Variants in EXOC4 observed in about 807,000 individuals in gnomAD.
EXOC4 encodes exocyst complex component 4.
A neutral mutation model predicts 107.2 loss-of-function variants in EXOC4; 71 were observed. The ratio of observed to expected loss-of-function variants is 0.66; its 90% CI spans 0.55 to 0.81. EXOC4 has a LOEUF of 0.81. Ranked by LOEUF, EXOC4 falls within the 30% of genes least tolerant of loss-of-function variation. EXOC4 has a pLI of 0.00. For missense variants in EXOC4, 1,108 were observed against 1,189.6 expected (o/e 0.93, Z 1.01); for synonymous variants, 456 against 441.2 (o/e 1.03, Z -0.42).
intron 10 of EXOC4, among the ~76,000 whole-genome samples, chr7:133,759,144 A>ATTTTTTTT (rs34768347): frequency 3.6e-5 from 5 of 140,630 alleles, no homozygotes; most frequent in Non-Finnish European, 6.2e-5. Context: ...CAACAAAAGA[A>ATTTTTTTT]TTTTTTTTTT....
chr7:134,044,836 C>T (rs1795609621), intron 17 of EXOC4, among the ~76,000 whole-genome samples: 1 of 152,234 alleles, frequency 6.6e-6, no homozygotes, highest in African/African-American at 2.4e-5. Flanking sequence ...CAGTGAGTCT[C>T]TTGATGAGTC....
intron 10 of EXOC4, among the ~76,000 whole-genome samples, chr7:133,800,518 A>G (rs1471726061): frequency 6.6e-6 from 1 of 152,202 alleles, no homozygotes; most frequent in Non-Finnish European, 1.5e-5. Flanking sequence ...TTTTAATAAC[A>G]TTCCTTTTTT....
At chr7:133,266,528 A>G (rs1756092123) in intron 1 of EXOC4, among the ~76,000 whole-genome samples, 1 of 152,184 alleles carries the variant, frequency 6.6e-6, no homozygotes, top group Admixed American at 6.5e-5. Flanking sequence ...ATTTTTCACA[A>G]TTGTTTGTCA....
chr7:133,556,091 T>C (rs370033067), intron 9 of EXOC4, among the ~76,000 whole-genome samples: 1 of 152,210 alleles, frequency 6.6e-6, no homozygotes, highest in Admixed American at 6.5e-5. Context: ...AGGCTCTTTA[T>C]TGGGACCTGA....
chr7:133,951,137 A>G (rs1357128582), intron 14 of EXOC4, among the ~76,000 whole-genome samples: 2 of 152,194 alleles, frequency 1.3e-5, no homozygotes, highest in East Asian at 3.9e-4. Context: ...ACAAATGAGG[A>G]GGGGTGCTTT....
At chr7:133,725,608 T>G (rs548287332) in intron 10 of EXOC4, among the ~76,000 whole-genome samples, 3 of 152,292 alleles carry the variant, frequency 2.0e-5, no homozygotes, top group South Asian at 2.1e-4. Context: ...ACTGCAGACC[T>G]CAGGTTATCC....
intron 14 of EXOC4, among the ~76,000 whole-genome samples, chr7:133,987,262 A>T (rs1330149944): frequency 6.6e-6 from 1 of 152,134 alleles, no homozygotes; most frequent in East Asian, 1.9e-4. Flanking sequence ...AGAGTTTGAG[A>T]CCAGCGTAGG....
At chr7:133,758,279 G>A (rs1795959259) in intron 10 of EXOC4, among the ~76,000 whole-genome samples, 1 of 152,064 alleles carries the variant, frequency 6.6e-6, no homozygotes, top group African/African-American at 2.4e-5. Flanking sequence ...TGAGTAGTTA[G>A]AGGCACGTGC....
chr7:133,306,701 TA>T (rs528333685), intron 4 of EXOC4, among the ~76,000 whole-genome samples: 3,053 of 144,204 alleles, frequency 0.021, 31 homozygotes, highest in Middle Eastern at 0.04. Flanking sequence ...CCTGGTCTCT[TA>T]AAAAAAAAAA....
intron 17 of EXOC4, among the ~76,000 whole-genome samples, chr7:134,036,485 G>A (rs1411075287): frequency 6.6e-6 from 1 of 152,216 alleles, no homozygotes; most frequent in Admixed American, 6.5e-5. Context: ...CTACTCAGGA[G>A]GCTGAGGTGG....
chr7:133,877,430 T>C (rs1026571064), intron 11 of EXOC4, among the ~76,000 whole-genome samples: 3 of 152,224 alleles, frequency 2.0e-5, no homozygotes, highest in African/African-American at 7.2e-5. Flanking sequence ...ACATTTAAGC[T>C]ATTTAGAATT....
At chr7:133,799,118 T>G (rs1263919007) in intron 10 of EXOC4, among the ~76,000 whole-genome samples, 1 of 152,208 alleles carries the variant, frequency 6.6e-6, no homozygotes, top group Non-Finnish European at 1.5e-5. Context: ...GAAAATTGCT[T>G]AGCAAGTTAG....
chr7:133,927,613 A>G lies in EXOC4; in HGVS notation c.2027+9875A>G, dbSNP rs959256039. Among the ~76,000 whole-genome samples the G allele has an allele frequency of 3.9e-5, 6 of 152,224 alleles. No homozygotes were observed. In the East Asian group the frequency reaches 9.6e-4, roughly 24 times the overall value. On this transcript the variant is annotated intron_variant, in intron 13 of 17. Coordinates refer to ENST00000253861, the MANE Select transcript of EXOC4 (RefSeq NM_021807.4). ...ATATTTATGTTCATAAATTGGAGAC[A>G]TTTATTTCATTATCTCTGGATGCTT...
At chr7:133,867,894 G>A (rs1160277433) in intron 11 of EXOC4, among the ~76,000 whole-genome samples, 4 of 152,194 alleles carry the variant, frequency 2.6e-5, no homozygotes, top group Non-Finnish European at 5.9e-5. Flanking sequence ...TTATCTTACT[G>A]TATGGTTTAA....
intron 10 of EXOC4, among the ~76,000 whole-genome samples, chr7:133,728,492 CT>C (rs919835380): frequency 6.6e-6 from 1 of 152,152 alleles, no homozygotes; most frequent in African/African-American, 2.4e-5. Flanking sequence ...CAAAGAGTGT[CT>C]TTCCTTGTTA....
intron 11 of EXOC4, among the ~76,000 whole-genome samples, chr7:133,871,995 C>T (rs2116399171): frequency 6.6e-6 from 1 of 152,006 alleles, no homozygotes. Flanking sequence ...ATGTTCAAGG[C>T]CAGAAGGAGA....
At chr7:133,298,872 C>A (rs1794580843) in intron 3 of EXOC4, among the ~76,000 whole-genome samples, 1 of 152,004 alleles carries the variant, frequency 6.6e-6, no homozygotes, top group African/African-American at 2.4e-5. Flanking sequence ...ACAGTAAGAT[C>A]TATGAAAGTA....
At chr7:133,733,653 A>T (rs1373080966) in intron 10 of EXOC4, 1 of 152,246 alleles carries the variant, frequency 6.6e-6, no homozygotes, top group African/African-American at 2.4e-5. Context: ...TGTATATGGC[A>T]TTTGGCATAT....
At chr7:133,682,679 G>C (rs1234943935) in intron 10 of EXOC4, among the ~76,000 whole-genome samples, 2 of 152,188 alleles carry the variant, frequency 1.3e-5, no homozygotes, top group African/African-American at 4.8e-5. Flanking sequence ...GGCAAACCCT[G>C]AGCACTTTCT....
Sources: allele counts gnomAD v4.1 joint callset (sites outside exome capture counted in the v4.1 genomes callset), GRCh38; gene constraint gnomAD v4.1.1; transcripts MANE v1.5; gene names NCBI Gene and HGNC (gene_info 2026-07-23, HGNC 2026-07-21).